Variants in FREM2 observed in about 807,000 individuals in gnomAD.
The protein encoded by FREM2 is FRAS1 related extracellular matrix 2, also known as FRAS1-related extracellular matrix protein 2.
FREM2 carries 119 observed loss-of-function variants against 219.9 expected under a neutral mutation model. The observed-to-expected ratio is 0.54, with a 90% CI of 0.47 to 0.63. FREM2 has a LOEUF of 0.63. Among genes scored for constraint, FREM2 ranks in the 30% least tolerant of loss-of-function variants. The pLI is 0.00. For missense variants in FREM2, 4,030 were observed against 3,993.6 expected, an observed-to-expected ratio of 1.01 and a Z score of -0.25; for synonymous variants, 1,562 against 1,522.8, an observed-to-expected ratio of 1.03 and a Z score of -0.60.
At chr13:38,698,997 A>C (rs1422487849) in intron 2 of FREM2, among the ~76,000 whole-genome samples, 5 of 152,180 alleles carry the variant, frequency 3.3e-5, no homozygotes, top group Non-Finnish European at 7.4e-5. Context: ...GCATCTTAGC[A>C]TAAAACGAAG....
intron 2 of FREM2, among the ~76,000 whole-genome samples, chr13:38,748,552 A>T (rs1218566818): frequency 6.6e-6 from 1 of 152,210 alleles, no homozygotes; most frequent in Non-Finnish European, 1.5e-5. Flanking sequence ...TCTTAACATG[A>T]TGCCTTAAGA....
At chr13:38,782,947 G>A in intron 4 of FREM2, 123 bp from the exon 5 acceptor site, 1 of 1,189,408 alleles carries the variant, frequency 8.4e-7, no homozygotes, top group Non-Finnish European at 1.2e-6. Context: ...CTCCCACTAT[G>A]TTATTCTAAA....
At chr13:38,880,177 T>C in intron 23 of FREM2, 107 bp from the exon 24 acceptor site, 1 of 1,213,442 alleles carries the variant, frequency 8.2e-7, no homozygotes, top group Non-Finnish European at 1.2e-6. Context: ...TTCTGCAGAC[T>C]AAAATCATTT....
intron 6 of FREM2, among the ~76,000 whole-genome samples, chr13:38,806,230 C>T (rs189822348): frequency 1.1e-3 from 167 of 151,950 alleles, no homozygotes; most frequent in African/African-American, 3.8e-3. Context: ...GCCCTTTCTA[C>T]TTAATTCTAA....
intron 2 of FREM2, among the ~76,000 whole-genome samples, chr13:38,701,314 G>T (rs2496430): frequency 6.6e-6 from 1 of 151,844 alleles, no homozygotes; most frequent in Admixed American, 6.6e-5. Context: ...CGCTGTCTGC[G>T]GCTTCATCTA....
chr13:38,753,018 G>A (rs923602882), intron 2 of FREM2, among the ~76,000 whole-genome samples: 2 of 152,178 alleles, frequency 1.3e-5, no homozygotes, highest in East Asian at 1.9e-4. Context: ...AAATTTATTC[G>A]TAGCTTCAGG....
chr13:38,693,166 C>T (rs1219107308), intron 1 of FREM2, among the ~76,000 whole-genome samples: 2 of 152,144 alleles, frequency 1.3e-5, no homozygotes, highest in African/African-American at 4.8e-5. Context: ...ATGATATTTA[C>T]AGGGCATGCT....
In FREM2 at chr13:38,876,379, A is replaced by G. The variant is rs757896246; in HGVS notation, c.8541A>G (p.Gln2847=). The G allele has an allele frequency of 6.2e-7, 1 of 1,613,502 alleles. No homozygotes were observed. The highest frequency in any genetic ancestry group is 8.5e-7 in the Non-Finnish European group (1 of 1,179,642). Residue 2847 remains glutamine, a synonymous_variant, in exon 20 of 24, where the codon CAA becomes CAG. Coordinates refer to ENST00000280481, the MANE Select transcript of FREM2 (RefSeq NM_207361.6). The stretch of plus-strand genomic sequence containing the variant: ...CCTTTGACCTTGACATCCGATTCCA[A>G]CAGGTGTGGCTTATAGAATTACTAT... ...PVTFDLDIRF[Q]QVSDPVAAEF...
chr13:38,818,792 G>A (rs7983560), intron 6 of FREM2, among the ~76,000 whole-genome samples: 9,597 of 151,794 alleles, frequency 0.063, 942 homozygotes, highest in African/African-American at 0.2. Context: ...GTGAAACCCC[G>A]TCTTTACTAA....
chr13:38,734,839 C>T (rs1163442074), intron 2 of FREM2, among the ~76,000 whole-genome samples: 2 of 151,078 alleles, frequency 1.3e-5, no homozygotes, highest in East Asian at 3.9e-4. Context: ...CTCTACCTCC[C>T]AGGTTTAACC....
chr13:38,787,466 A>G (rs1874375514), intron 6 of FREM2, among the ~76,000 whole-genome samples: 2 of 152,020 alleles, frequency 1.3e-5, no homozygotes, highest in African/African-American at 2.4e-5. Flanking sequence ...ATTGCCACCA[A>G]TTTAACCTTT....
rs1869901418 is a variant in FREM2, at chr13:38,692,063, C to T, written c.4719C>T (p.Thr1573=). 6.2e-7 allele frequency: 1 copy of T among 1,614,158 alleles called. No individual in the cohort carries two copies. Among genetic ancestry groups the T allele is most frequent in the South Asian group, 1.1e-5 (1 of 91,078 alleles). ...TPDKLLKFTI[T]QVPIHGHLLF... is the part of the protein sequence containing the mutation. Reference sequence around the variant, plus strand: ...ACAAGCTCCTGAAATTCACTATCACCCAGGTGCCTATTCATGGCCATCTCC... The same window carrying T: ...ACAAGCTCCTGAAATTCACTATCACTCAGGTGCCTATTCATGGCCATCTCC... Residue 1573 remains threonine (T), a synonymous_variant, in exon 1 of 24, where the codon ACC becomes ACT. Coordinates refer to ENST00000280481, the MANE Select transcript of FREM2 (RefSeq NM_207361.6).
chr13:38,764,047 T>A (rs893062249), intron 2 of FREM2, among the ~76,000 whole-genome samples: 12 of 152,184 alleles, frequency 7.9e-5, no homozygotes, highest in African/African-American at 2.9e-4. Flanking sequence ...CTCTGGTAGT[T>A]GTGCACTTCC....
intron 6 of FREM2, among the ~76,000 whole-genome samples, chr13:38,843,787 A>C (rs1877047858): frequency 6.6e-6 from 1 of 152,202 alleles, no homozygotes; most frequent in African/African-American, 2.4e-5. Context: ...AATAAACATA[A>C]TCATTACTTC....
chr13:38,804,305 A>G (rs1875136374), intron 6 of FREM2, among the ~76,000 whole-genome samples: 1 of 151,412 alleles, frequency 6.6e-6, no homozygotes, highest in East Asian at 1.9e-4. Flanking sequence ...GAATAGTAAA[A>G]ATTATACCAA....
chr13:38,787,409 A>T lies in FREM2; in HGVS notation c.6019+2601A>T, dbSNP rs376924130. The stretch of plus-strand genomic sequence containing the variant: ...AGATGCAGATTATAATAAACTTCTC[A>T]CAGTTCCCACAGCCTCATATCTCTT... On this transcript the variant is annotated intron_variant, in intron 6 of 23. Transcript: ENST00000280481. Among the ~76,000 whole-genome samples the T allele has an allele frequency of 2.0e-5, 3 of 152,206 alleles. No homozygotes were observed. In the East Asian group the frequency reaches 5.8e-4, roughly 29 times the overall value.
chr13:38,809,534 A>T (rs569169535), intron 6 of FREM2, among the ~76,000 whole-genome samples: 2 of 152,152 alleles, frequency 1.3e-5, no homozygotes, highest in South Asian at 4.1e-4. Flanking sequence ...AAGTTTCATT[A>T]TTCTGCATAT....
intron 1 of FREM2, among the ~76,000 whole-genome samples, chr13:38,696,597 T>C (rs1396732455): frequency 6.6e-6 from 1 of 152,212 alleles, no homozygotes; most frequent in Admixed American, 6.5e-5. Context: ...TAATGATCTA[T>C]TATGAGTATC....
At chr13:38,790,771 A>G (rs1874528387) in intron 6 of FREM2, among the ~76,000 whole-genome samples, 1 of 152,216 alleles carries the variant, frequency 6.6e-6, no homozygotes, top group South Asian at 2.1e-4. Flanking sequence ...AATGCTCTTA[A>G]AAGCTTTAAT....
Sources: allele counts gnomAD v4.1 joint callset (sites outside exome capture counted in the v4.1 genomes callset), GRCh38; gene constraint gnomAD v4.1.1; transcripts MANE v1.5; gene names NCBI Gene and HGNC (gene_info 2026-07-23, HGNC 2026-07-21).